ZFYVE9: variants seen among roughly 807,000 people sequenced by gnomAD.
The protein encoded by ZFYVE9 is zinc finger FYVE domain-containing protein 9.
In ZFYVE9, 43 loss-of-function variants were observed where a neutral mutation model predicts 126.7. That is an observed-to-expected ratio of 0.34 (90% CI 0.27 to 0.44). The LOEUF (loss-of-function observed/expected upper bound fraction) is 0.44. ZFYVE9 is among the 20% of genes least tolerant of loss of function. The pLI, the probability that ZFYVE9 is intolerant of heterozygous loss-of-function variation, is 1.00. For synonymous variants in ZFYVE9, 521 were observed against 597.4 expected (o/e 0.87, Z 1.87); for missense variants, 1,476 against 1,697.0 (o/e 0.87, Z 2.29).
intron 13 of ZFYVE9, among the ~76,000 whole-genome samples, chr1:52,330,133 C>A (rs1045911276): frequency 6.6e-6 from 1 of 152,194 alleles, no homozygotes. Flanking sequence ...AATCCCAGCA[C>A]TTTGGAAGCC....
At chr1:52,323,772 G>A (rs944351696) in intron 13 of ZFYVE9, among the ~76,000 whole-genome samples, 3 of 152,000 alleles carry the variant, frequency 2.0e-5, no homozygotes, top group South Asian at 4.1e-4. Context: ...AAAATTAGGC[G>A]GGCATGGCAG....
chr1:52,278,667 A>G, intron 9 of ZFYVE9, 53 bp downstream of exon 9: 1 of 1,242,916 alleles, frequency 8.0e-7, no homozygotes. Context: ...GACTCATAGT[A>G]CATAAAACTT....
At chr1:52,306,662 G>A (rs766176513) in intron 13 of ZFYVE9, among the ~76,000 whole-genome samples, 12 of 152,266 alleles carry the variant, frequency 7.9e-5, no homozygotes, top group Non-Finnish European at 1.8e-4. Context: ...AAGCTTGGGA[G>A]CTCCCTGAGC....
chr1:52,178,733 A>G (rs1029257779), intron 1 of ZFYVE9, among the ~76,000 whole-genome samples: 3 of 152,228 alleles, frequency 2.0e-5, no homozygotes, highest in African/African-American at 7.2e-5. Flanking sequence ...ACTATTGAAG[A>G]AAACAAAGCC....
In ZFYVE9 at chr1:52,142,365, C is replaced by A. The variant is rs1644266219; in HGVS notation, c.-181C>A. ...GGAGGCTTTCGGCTCAGGGACGACC[C>A]CCGTGGCCATGCTGAAGCGGAGGCG... On this transcript the variant is annotated 5_prime_UTR_variant, in exon 1 of 19. Transcript: ENST00000287727. The surrounding 1 kb of genome is among the most constrained non-coding windows in gnomAD (Gnocchi z 4.5). The A allele has an allele frequency of 6.6e-6, 1 of 151,976 alleles. No individual in the cohort carries two copies. Among genetic ancestry groups the A allele is most frequent in the Non-Finnish European group, 1.5e-5 (1 of 68,032 alleles). 9.4% of individuals were successfully genotyped at this position (151,976 alleles called of 1,614,324 possible). A position where few individuals can be genotyped will look rare whatever the true frequency, so the allele number is the denominator to read the frequency against.
At chr1:52,291,136 G>T (rs1325733618) in intron 10 of ZFYVE9, among the ~76,000 whole-genome samples, 4 of 152,202 alleles carry the variant, frequency 2.6e-5, no homozygotes, top group Non-Finnish European at 5.9e-5. Flanking sequence ...TGGAGCAAGA[G>T]TACTACCCCT....
At chr1:52,167,904 G>C (rs887724399) in intron 1 of ZFYVE9, among the ~76,000 whole-genome samples, 1 of 152,144 alleles carries the variant, frequency 6.6e-6, no homozygotes, top group South Asian at 2.1e-4. Context: ...AAAAATCTTT[G>C]TTTCTGTAGC....
At chr1:52,209,269 G>T (rs1645006044) in intron 1 of ZFYVE9, among the ~76,000 whole-genome samples, 2 of 152,206 alleles carry the variant, frequency 1.3e-5, no homozygotes, top group South Asian at 4.1e-4. Context: ...ACTGACAATG[G>T]CAGGGGCAAA....
At chr1:52,285,540 G>A (rs1348842234) in intron 10 of ZFYVE9, among the ~76,000 whole-genome samples, 1 of 152,124 alleles carries the variant, frequency 6.6e-6, no homozygotes, top group Non-Finnish European at 1.5e-5. Flanking sequence ...ACCCTGTTGT[G>A]AACTGCGCGT....
chr1:52,217,978 A>T (rs954548290), intron 2 of ZFYVE9, among the ~76,000 whole-genome samples: 1 of 152,108 alleles, frequency 6.6e-6, no homozygotes, highest in Non-Finnish European at 1.5e-5. Flanking sequence ...ATTGTAGTAT[A>T]TGTGATTTAT....
intron 7 of ZFYVE9, among the ~76,000 whole-genome samples, chr1:52,273,552 C>G (rs376206717): frequency 6.6e-6 from 1 of 151,838 alleles, no homozygotes; most frequent in Non-Finnish European, 1.5e-5. Context: ...AACTTCAGGC[C>G]GGGTGCAGTG....
At chr1:52,318,269 T>C (rs1434123574) in intron 13 of ZFYVE9, among the ~76,000 whole-genome samples, 1 of 152,130 alleles carries the variant, frequency 6.6e-6, no homozygotes, top group African/African-American at 2.4e-5. Flanking sequence ...TAGTTTAGGA[T>C]ACAGGATCCT....
intron 1 of ZFYVE9, among the ~76,000 whole-genome samples, chr1:52,197,283 G>T (rs1050326377): frequency 1.3e-5 from 2 of 152,078 alleles, no homozygotes; most frequent in Non-Finnish European, 2.9e-5. Context: ...TGAACAACTG[G>T]GTAGATGATA....
At chr1:52,342,531 A>G (rs1385212881) in intron 17 of ZFYVE9, among the ~76,000 whole-genome samples, 11 of 110,814 alleles carry the variant, frequency 9.9e-5, no homozygotes. Flanking sequence ...TGGCCTCCCA[A>G]AGTGCCTTTT....
intron 10 of ZFYVE9, among the ~76,000 whole-genome samples, chr1:52,288,384 G>A (rs574296778): frequency 6.6e-6 from 1 of 152,272 alleles, no homozygotes; most frequent in African/African-American, 2.4e-5. Context: ...CTGCAGCCTT[G>A]ATCTCCTTGG....
chr1:52,255,557 C>T (rs940967167), intron 4 of ZFYVE9, among the ~76,000 whole-genome samples: 3 of 148,890 alleles, frequency 2.0e-5, no homozygotes, highest in African/African-American at 7.5e-5. Flanking sequence ...TGCACTCCAG[C>T]CTGGGCAACA....
chr1:52,162,697 C>A, intron 1 of ZFYVE9: 1 of 295,118 alleles, frequency 3.4e-6, no homozygotes, highest in Non-Finnish European at 6.9e-6. Context: ...GCCCTTCTGC[C>A]AGTGTGTCTT....
rs138067224 is a variant in ZFYVE9, at chr1:52,276,317, T to C, written c.2746+1733T>C. Among the ~76,000 whole-genome samples the C allele has an allele frequency of 3.9e-3, 597 of 152,338 alleles. 13 individuals carry two copies. The South Asian group carries it at 0.044, about 11-fold the overall frequency. On this transcript the variant is annotated intron_variant, in intron 8 of 18. Transcript: ENST00000287727. ...CATGTATACTGCAGATTATTTGCTA[T>C]TTTTTGAATATTTACTTTTCATTCT... is the stretch of plus-strand genomic sequence containing the variant.
At chr1:52,151,495 ATG>A (rs555214586) in intron 1 of ZFYVE9, among the ~76,000 whole-genome samples, 1 of 150,454 alleles carries the variant, frequency 6.6e-6, no homozygotes. Flanking sequence ...TCCTGTGTCT[ATG>A]TGTGTGTGTA....
Sources: allele counts gnomAD v4.1 joint callset (sites outside exome capture counted in the v4.1 genomes callset), GRCh38; gene constraint gnomAD v4.1.1; non-coding constraint Gnocchi (gnomAD v3.1); transcripts MANE v1.5; gene names NCBI Gene and HGNC (gene_info 2026-07-23, HGNC 2026-07-21).